Variants in CNTLN observed in about 807,000 individuals in gnomAD.
CNTLN encodes centlein, centrosomal protein.
In CNTLN, 212 loss-of-function variants were observed where a neutral mutation model predicts 180.0. That is an observed-to-expected ratio of 1.18 (90% CI 1.05 to 1.32). The LOEUF is 1.32. CNTLN is among the 40% of genes most tolerant of loss of function. The probability of loss-of-function intolerance (pLI) is 0.00; values close to 1 mark genes in which losing one functional copy is unlikely to be tolerated. For missense variants in CNTLN, 2,095 were observed against 1,610.9 expected (o/e 1.30, Z -5.14); for synonymous variants, 722 against 563.1 (o/e 1.28, Z -3.99).
At chr9:17,208,944 A>G (rs1214116798) in intron 2 of CNTLN, among the ~76,000 whole-genome samples, 1 of 151,764 alleles carries the variant, frequency 6.6e-6, no homozygotes, top group East Asian at 1.9e-4. Context: ...TTTCAATTTC[A>G]TTAATTTATG....
At chr9:17,186,607 T>C (rs1040826239) in intron 2 of CNTLN, among the ~76,000 whole-genome samples, 3 of 152,188 alleles carry the variant, frequency 2.0e-5, no homozygotes, top group African/African-American at 7.2e-5. Context: ...GTTATTAGTT[T>C]TTTTTCCTGG....
chr9:17,226,181 ACTCT>A lies in CNTLN; in HGVS notation c.450-19_450-16del, dbSNP rs766504348. 1 of 1,301,026 alleles carries A rather than the reference ACTCT, an allele frequency of 7.7e-7. No individual in the cohort carries two copies. The highest frequency in any genetic ancestry group is 1.5e-5 in the African/African-American group (1 of 66,190). 80.6% of individuals were successfully genotyped at this position (1,301,026 alleles called of 1,614,324 possible). On this transcript the variant is annotated intron_variant, in intron 2 of 25. Transcript: ENST00000380647. ...ATTAGCTACCAGTTATGACTAATAA[ACTCT>A]CTATATTTTATATCTAGAGAAAAAC...
At chr9:17,211,757 A>C (rs1239555466) in intron 2 of CNTLN, among the ~76,000 whole-genome samples, 3 of 152,066 alleles carry the variant, frequency 2.0e-5, no homozygotes, top group African/African-American at 7.2e-5. Context: ...GTTCTCCTTG[A>C]AGAGGTCCTT....
At chr9:17,297,667 A>G (rs1818044940) in intron 6 of CNTLN, among the ~76,000 whole-genome samples, 1 of 152,202 alleles carries the variant, frequency 6.6e-6, no homozygotes. Context: ...AAGCTGAGTT[A>G]GAGGAGTCAC....
chr9:17,153,945 C>T (rs1031044314), intron 2 of CNTLN, among the ~76,000 whole-genome samples: 7 of 152,080 alleles, frequency 4.6e-5, no homozygotes, highest in South Asian at 2.1e-4. Context: ...TTGATCGATT[C>T]GGCTATTGAT....
intron 2 of CNTLN, among the ~76,000 whole-genome samples, chr9:17,146,076 T>C (rs983295616): frequency 6.6e-6 from 1 of 152,212 alleles, no homozygotes; most frequent in Non-Finnish European, 1.5e-5. Flanking sequence ...ATTTTCTCTT[T>C]AGGTGCACTA....
intron 12 of CNTLN, among the ~76,000 whole-genome samples, chr9:17,361,951 G>C (rs1166452710): frequency 6.6e-6 from 1 of 152,204 alleles, no homozygotes; most frequent in Non-Finnish European, 1.5e-5. Context: ...TAGCTAGTCA[G>C]TGCTCATCCT....
chr9:17,430,468 T>C (rs1829350803), intron 18 of CNTLN, among the ~76,000 whole-genome samples: 1 of 152,092 alleles, frequency 6.6e-6, no homozygotes, highest in African/African-American at 2.4e-5. Context: ...TGATATTTTG[T>C]TACATGCATA....
At chr9:17,404,516 G>A (rs1350610072) in intron 15 of CNTLN, among the ~76,000 whole-genome samples, 1 of 151,594 alleles carries the variant, frequency 6.6e-6, no homozygotes, top group Non-Finnish European at 1.5e-5. Context: ...GAGCTAAAAA[G>A]CGTCAAAAGG....
intron 4 of CNTLN, among the ~76,000 whole-genome samples, chr9:17,236,046 C>T (rs1441931627): frequency 1.3e-5 from 2 of 152,250 alleles, no homozygotes; most frequent in Non-Finnish European, 2.9e-5. Context: ...GAATATGTGG[C>T]TTCTTGTAAT....
Position 17,389,910 on chromosome 9 carries a change from T to C in CNTLN, c.2079+1657T>C, listed in dbSNP as rs1301673199. 1.3e-5 allele frequency among the ~76,000 whole-genome samples: 2 copies of C among 152,128 alleles called. 1 individual carries two copies. The highest frequency in any genetic ancestry group is 1.3e-4 in the Admixed American group (2 of 15,258). On this transcript the variant is annotated intron_variant, in intron 14 of 25. Coordinates refer to ENST00000380647, the MANE Select transcript of CNTLN (RefSeq NM_017738.4). ...AGAGGTAATTAAGTTAAAGTAAGGC[T>C]ATTAGGGTGAGCCCTAATTCAACAT...
intron 18 of CNTLN, among the ~76,000 whole-genome samples, chr9:17,450,369 A>T (rs1402975476): frequency 6.6e-6 from 1 of 152,178 alleles, no homozygotes; most frequent in Non-Finnish European, 1.5e-5. Flanking sequence ...CCTCAATAAG[A>T]TGTCAACATG....
intron 3 of CNTLN, among the ~76,000 whole-genome samples, chr9:17,228,471 T>G (rs988540624): frequency 1.3e-5 from 2 of 152,144 alleles, no homozygotes; most frequent in African/African-American, 4.8e-5. Context: ...TGCAACAAGA[T>G]AATGTATTAA....
chr9:17,362,722 G>T (rs899640282), intron 12 of CNTLN, among the ~76,000 whole-genome samples: 3 of 151,614 alleles, frequency 2.0e-5, no homozygotes, highest in African/African-American at 7.3e-5. Flanking sequence ...TTTCTTGCAC[G>T]TTTTATTTTC....
At chr9:17,240,231 T>G (rs892599058) in intron 5 of CNTLN, among the ~76,000 whole-genome samples, 2 of 152,310 alleles carry the variant, frequency 1.3e-5, no homozygotes, top group Admixed American at 1.3e-4. Context: ...TAATCGGAAC[T>G]GTTTTAAATT....
In CNTLN at chr9:17,434,459, C is replaced by T. The variant is rs146110780; in HGVS notation, c.3114+18270C>T. 4.7e-3 allele frequency among the ~76,000 whole-genome samples: 719 copies of T among 152,090 alleles called. 10 individuals are homozygous for T. The highest frequency in any genetic ancestry group is 0.016 in the African/African-American group (681 of 41,532). ...TACGTTCTTGCTTTTTAAATTTTCT[C>T]TGAACCTTCCTCTTTGACTTGTGTA... On this transcript the variant is annotated intron_variant, in intron 18 of 25. Transcript: ENST00000380647.
chr9:17,162,475 A>G (rs972182170), intron 2 of CNTLN, among the ~76,000 whole-genome samples: 1 of 152,222 alleles, frequency 6.6e-6, no homozygotes, highest in African/African-American at 2.4e-5. Flanking sequence ...CATTTTGAAT[A>G]GCATTGCCTT....
At chr9:17,427,497 G>C (rs757445334) in intron 18 of CNTLN, among the ~76,000 whole-genome samples, 5 of 151,734 alleles carry the variant, frequency 3.3e-5, no homozygotes, top group Non-Finnish European at 7.4e-5. Context: ...GAGTACAGTG[G>C]GTGTATTTTA....
intron 8 of CNTLN, among the ~76,000 whole-genome samples, chr9:17,320,297 A>G (rs1819816956): frequency 6.6e-6 from 1 of 152,122 alleles, no homozygotes; most frequent in Non-Finnish European, 1.5e-5. Context: ...AAATATTTGC[A>G]ACCTCTAGAA....
Sources: allele counts gnomAD v4.1 joint callset (sites outside exome capture counted in the v4.1 genomes callset), GRCh38; gene constraint gnomAD v4.1.1; transcripts MANE v1.5; gene names NCBI Gene and HGNC (gene_info 2026-07-23, HGNC 2026-07-21).